Variants in NPHP4 observed in about 807,000 individuals in gnomAD.
The protein encoded by NPHP4 is nephrocystin-4.
NPHP4 carries 151 observed loss-of-function variants against 155.8 expected under a neutral mutation model. The observed-to-expected ratio is 0.97, with a 90% confidence interval of 0.85 to 1.11. The LOEUF is 1.11. Among genes scored for constraint, NPHP4 ranks in the 50% least tolerant of loss-of-function variants. NPHP4 has a pLI of 0.00. For synonymous variants in NPHP4, 845 were observed against 816.8 expected (o/e 1.03, Z -0.59); for missense variants, 1,956 against 1,925.7 (o/e 1.02, Z -0.29).
chr1:5,880,632 C>T lies in NPHP4; in HGVS notation c.2486-393G>A, dbSNP rs566649265. 4.7e-5 allele frequency: 11 copies of T among 236,204 alleles called. No individual in the cohort carries two copies. In the East Asian group the frequency reaches 6.1e-4, roughly 13 times the overall value. The allele number at this position is 236,204 out of a possible 1,614,324, so 14.6% of individuals were successfully genotyped here. A position where few individuals can be genotyped will look rare whatever the true frequency, so the allele number is the denominator to read the frequency against. ...AAGGATAGGCCTGTGTGCATTTACA[C>T]GTGCAAATGTCTGGCTCCACACACA... is the stretch of plus-strand genomic sequence containing the variant. On this transcript the variant is annotated intron_variant, in intron 18 of 29. Coordinates refer to ENST00000378156, the MANE Select transcript of NPHP4 (RefSeq NM_015102.5).
chr1:5,949,223 G>A (rs1647408386), intron 7 of NPHP4, among the ~76,000 whole-genome samples: 1 of 152,074 alleles, frequency 6.6e-6, no homozygotes, highest in Non-Finnish European at 1.5e-5. Context: ...CTACACCAAG[G>A]AAACGGATGT....
Position 5,882,979 on chromosome 1 carries a change from G to A in NPHP4, c.2486-2740C>T, listed in dbSNP as rs1255530549. 1.3e-5 allele frequency: 2 copies of A among 152,294 alleles called. No individual in the cohort carries two copies. The highest frequency in any genetic ancestry group is 4.8e-5 in the African/African-American group (2 of 41,462). The allele number at this position is 152,294 out of a possible 1,614,324, so 9.4% of individuals were successfully genotyped here. A position where few individuals can be genotyped will look rare whatever the true frequency, so the allele number is the denominator to read the frequency against. On this transcript the variant is annotated intron_variant, in intron 18 of 29. Transcript: ENST00000378156. This position sits in a 1 kb window ranked among gnomAD's most constrained non-coding sequence, Gnocchi z 5.1. Reference sequence around the variant, plus strand: ...ACACGAACAGATGTTCATGCCCCATGATGGGCTGTATCTTCTGAAGCCCAG... The same window carrying A: ...ACACGAACAGATGTTCATGCCCCATAATGGGCTGTATCTTCTGAAGCCCAG...
At chr1:5,901,074 C>G (rs1455456848) in intron 16 of NPHP4, among the ~76,000 whole-genome samples, 1 of 151,952 alleles carries the variant, frequency 6.6e-6, no homozygotes, top group East Asian at 1.9e-4. Flanking sequence ...ATATGTCACA[C>G]CAACGCAAAA....
At chr1:5,888,194 T>C (rs1260476114) in intron 17 of NPHP4, 1 of 407,402 alleles carries the variant, frequency 2.5e-6, no homozygotes, top group Non-Finnish European at 3.3e-6. Flanking sequence ...TCAGCAGGAC[T>C]TTCCTGACCA....
At chr1:5,977,759 A>G (rs894518808) in intron 3 of NPHP4, among the ~76,000 whole-genome samples, 13 of 148,350 alleles carry the variant, frequency 8.8e-5, no homozygotes, top group African/African-American at 3.3e-4. Context: ...CTCAAGACAG[A>G]AGGCACAGGT....
At chr1:5,967,921 T>C (rs1302296608) in intron 4 of NPHP4, among the ~76,000 whole-genome samples, 1 of 151,914 alleles carries the variant, frequency 6.6e-6, no homozygotes, top group African/African-American at 2.4e-5. Context: ...AAACCCTGAC[T>C]TGGAGTAAAC....
chr1:5,933,177 CT>C lies in NPHP4; in HGVS notation c.1271del (p.Lys424ArgfsTer7), dbSNP rs770306587. The C allele has an allele frequency of 2.3e-5, 37 of 1,607,732 alleles. No individual in the cohort carries two copies. The African/African-American group carries it at 4.9e-4, about 21-fold the overall frequency. On this transcript the variant is annotated frameshift_variant, in exon 10 of 30. Transcript: ENST00000378156. LOFTEE classifies it high-confidence loss of function. ...QPNPSHCLVYKVPSASMSSEE... is the reference protein window; with the variant it reads ...QPNPSHCLVYXVPSASMSSEE... ...CAGAGCTCATGCTGGCTGAGGGTACCTTGTAGACCAGACAGTGCGAGGGGTT... is the reference window on the plus strand; with the variant it reads ...CAGAGCTCATGCTGGCTGAGGGTACCTGTAGACCAGACAGTGCGAGGGGTT...
At chr1:5,963,642 G>C (rs1570662811) in intron 5 of NPHP4, among the ~76,000 whole-genome samples, 1 of 151,862 alleles carries the variant, frequency 6.6e-6, no homozygotes, top group South Asian at 2.1e-4. Flanking sequence ...ACATGCTCAG[G>C]GGAAGGGCGG....
At position 5,867,965 on chromosome 1, in the gene NPHP4, G is replaced by C; in HGVS notation, c.3316-69C>G. On this transcript the variant is annotated intron_variant, in intron 23 of 29. Coordinates refer to ENST00000378156, the MANE Select transcript of NPHP4 (RefSeq NM_015102.5). This position sits in a 1 kb window ranked among gnomAD's most constrained non-coding sequence, Gnocchi z 4.1. ...GTGAGCAGCTTCTTGTCCCTCCTTA[G>C]ACAGCACACGTATCTCCACTGTTGC... 6.6e-7 allele frequency: 1 copy of C among 1,517,250 alleles called. No homozygotes were observed. The highest frequency in any genetic ancestry group is 1.7e-5 in the Admixed American group (1 of 59,560). The allele number at this position is 1,517,250 out of a possible 1,614,324, so 94.0% of individuals were successfully genotyped here.
intron 9 of NPHP4, among the ~76,000 whole-genome samples, chr1:5,945,676 C>G (rs922576659): frequency 6.6e-6 from 1 of 152,188 alleles, no homozygotes; most frequent in East Asian, 1.9e-4. Flanking sequence ...CCTGAGAGAG[C>G]GGCCCAGTCG....
chr1:5,962,665 C>T (rs1189632314), intron 5 of NPHP4, among the ~76,000 whole-genome samples: 1 of 152,248 alleles, frequency 6.6e-6, no homozygotes, highest in Non-Finnish European at 1.5e-5. Flanking sequence ...CCATAACGCA[C>T]GGGAGAACTG....
chr1:5,907,136 A>G lies in NPHP4; in HGVS notation c.1590T>C (p.Ser530=). Residue 530 remains serine (S), a synonymous_variant, in exon 13 of 30, where the codon TCT becomes TCC. Transcript: ENST00000378156. ...TTACTGCCTGGGCCGGGGAGGCCTG[A>G]GAGCCATGGGGTAGCTGTGAAGTAG... The part of the protein sequence containing the change: ...ARPTSQLPHG[S]QASPAQAQEF... 6.4e-7 allele frequency: 1 copy of G among 1,559,482 alleles called. No individual in the cohort carries two copies. The highest frequency in any genetic ancestry group is 8.7e-7 in the Non-Finnish European group (1 of 1,149,342).
At chr1:5,901,904 G>GA (rs1557690843) in intron 16 of NPHP4, among the ~76,000 whole-genome samples, 2 of 152,228 alleles carry the variant, frequency 1.3e-5, no homozygotes, top group African/African-American at 4.8e-5. Context: ...TGGCTTAGTT[G>GA]AAGTGATTCA....
At chr1:5,873,229 T>C in intron 23 of NPHP4, 23 bp downstream of exon 23, 1 of 1,595,734 alleles carries the variant, frequency 6.3e-7, no homozygotes, top group African/African-American at 1.3e-5. Context: ...CCGAGATCAG[T>C]TTGTCCTCCG....
chr1:5,894,923 G>A (rs1023844482), intron 16 of NPHP4, among the ~76,000 whole-genome samples: 21 of 152,110 alleles, frequency 1.4e-4, no homozygotes, highest in Admixed American at 1.0e-3. Context: ...GAAAAGACGT[G>A]GAACCAACCC....
rs1488296648 is a variant in NPHP4, at chr1:5,867,984, C to A, written c.3316-88G>T. 1 of 1,436,348 alleles carries A rather than the reference C, an allele frequency of 7.0e-7. No homozygotes were observed. Among genetic ancestry groups the A allele is most frequent in the Non-Finnish European group, 9.8e-7 (1 of 1,022,774 alleles). 89.0% of individuals were successfully genotyped at this position (1,436,348 alleles called of 1,614,324 possible). On this transcript the variant is annotated intron_variant, in intron 23 of 29. Coordinates refer to ENST00000378156, the MANE Select transcript of NPHP4 (RefSeq NM_015102.5). This position sits in a 1 kb window ranked among gnomAD's most constrained non-coding sequence, Gnocchi z 4.1. ...TCCTTAGACAGCACACGTATCTCCA[C>A]TGTTGCCAAGACCCCCTCACCCTCC... is the stretch of plus-strand genomic sequence containing the variant.
At chr1:5,931,305 C>A (rs1646258663) in intron 10 of NPHP4, among the ~76,000 whole-genome samples, 1 of 149,170 alleles carries the variant, frequency 6.7e-6, no homozygotes. Context: ...CAAACCACTA[C>A]AATAAAGCAA....
Position 5,879,768 on chromosome 1 carries a change from G to A in NPHP4, c.2611+346C>T, listed in dbSNP as rs894272582. The A allele has an allele frequency of 1.4e-4, 57 of 402,052 alleles. 3 individuals carry two copies. Among genetic ancestry groups the A allele is most frequent in the Non-Finnish European group, 2.4e-4 (50 of 209,616 alleles). The allele number at this position is 402,052 out of a possible 1,614,324, so 24.9% of individuals were successfully genotyped here. ...TGCAGATGGGCATTAACAGCACCAC[G>A]AATGGTGCGCACACACACACACACA... On this transcript the variant is annotated intron_variant, in intron 19 of 29. Coordinates refer to ENST00000378156, the MANE Select transcript of NPHP4 (RefSeq NM_015102.5).
At chr1:5,976,137 G>A (rs779426162) in intron 3 of NPHP4, among the ~76,000 whole-genome samples, 27 of 152,156 alleles carry the variant, frequency 1.8e-4, no homozygotes, top group Middle Eastern at 3.2e-3. Flanking sequence ...AGGAGGTCAC[G>A]GAGGCCACAG....
Sources: gnomAD v4.1 joint callset for allele counts (sites outside exome capture counted in the v4.1 genomes callset) on GRCh38, gnomAD v4.1.1 for gene constraint, Gnocchi (gnomAD v3.1) non-coding constraint, MANE v1.5 for transcripts, NCBI Gene and HGNC (gene_info 2026-07-23, HGNC 2026-07-21) for gene names.